CHRNA4: variants seen among roughly 807,000 people sequenced by gnomAD.
CHRNA4 encodes the protein neuronal acetylcholine receptor subunit alpha-4.
In CHRNA4, 28 loss-of-function variants were observed where a neutral mutation model predicts 48.9. That is an observed-to-expected ratio of 0.57 (90% confidence interval 0.42 to 0.79). The LOEUF (loss-of-function observed/expected upper bound fraction) is 0.79. Among genes scored for constraint, CHRNA4 ranks in the 30% least tolerant of loss-of-function variants. The pLI is 0.00. For synonymous variants in CHRNA4, 425 were observed against 402.3 expected (o/e 1.06, Z -0.68); for missense variants, 859 against 898.4 (o/e 0.96, Z 0.56).
intron 5 of CHRNA4, among the ~76,000 whole-genome samples, chr20:63,348,464 A>C (rs1365228070): frequency 6.6e-6 from 1 of 152,138 alleles, no homozygotes; most frequent in Admixed American, 6.5e-5. Context: ...CTCACTTTTC[A>C]TGGGTATGGA....
intron 1 of CHRNA4, 129 bp downstream of exon 1, chr20:63,360,961 C>T: frequency 2.7e-6 from 2 of 750,708 alleles, no homozygotes; most frequent in South Asian, 3.2e-5. Flanking sequence ...TGGGGAGCCT[C>T]GCGGTCGCCC....
At chr20:63,352,782 G>A (rs2068635316) in intron 4 of CHRNA4, among the ~76,000 whole-genome samples, 1 of 151,992 alleles carries the variant, frequency 6.6e-6, no homozygotes, top group African/African-American at 2.4e-5. Flanking sequence ...CCTCCCCCAG[G>A]GTCCTCTGCC....
chr20:63,358,247 G>A (rs1420115492), intron 2 of CHRNA4, among the ~76,000 whole-genome samples: 1 of 152,212 alleles, frequency 6.6e-6, no homozygotes, highest in Non-Finnish European at 1.5e-5. Context: ...ATGGGCAACT[G>A]CCACCACTGA....
chr20:63,346,545 T>G lies in CHRNA4; in HGVS notation c.*193A>C, dbSNP rs1331938675. ...AGGCCACAGTCCAACTGGAAGCAGC[T>G]CCACACTCGGTCTCCCCAGAGGCCG... On this transcript the variant is annotated 3_prime_UTR_variant, in exon 6 of 6. Transcript: ENST00000370263. 1 of 818,796 alleles carries G rather than the reference T, an allele frequency of 1.2e-6. No individual in the cohort carries two copies. Among genetic ancestry groups the G allele is most frequent in the Non-Finnish European group, 2.0e-6 (1 of 496,262 alleles). 50.7% of individuals were successfully genotyped at this position (818,796 alleles called of 1,614,324 possible).
intron 2 of CHRNA4, among the ~76,000 whole-genome samples, chr20:63,358,339 G>A (rs1372024008): frequency 6.6e-6 from 1 of 152,246 alleles, no homozygotes; most frequent in Non-Finnish European, 1.5e-5. Flanking sequence ...GCCTGGGATA[G>A]TGAAGCAGCT....
At position 63,350,111 on chromosome 20, in the gene CHRNA4, G is replaced by T. The variant is rs545104411; in HGVS notation, c.1300C>A (p.Pro434Thr). 1.0e-5 allele frequency: 16 copies of T among 1,543,592 alleles called. No individual in the cohort carries two copies. In the African/African-American group the frequency reaches 2.2e-4, roughly 21 times the overall value. ...GGGCTGGCTTTCTCAGCTTCCAGGGGCTGCTGAGGAGGGAGCTGGTCGGAG... is the reference window on the plus strand; with the variant it reads ...GGGCTGGCTTTCTCAGCTTCCAGGGTCTGCTGAGGAGGGAGCTGGTCGGAG... Reference protein sequence around the residue: ...SPSDQLPPQQPLEAEKASPHP... With the variant: ...SPSDQLPPQQTLEAEKASPHP... Residue 434 changes from proline (P) to threonine (T), a missense_variant, in exon 5 of 6, where the codon CCC becomes ACC. Coordinates refer to ENST00000370263, the MANE Select transcript of CHRNA4 (RefSeq NM_000744.7).
At chr20:63,354,360 G>A (rs529295119) in intron 4 of CHRNA4, among the ~76,000 whole-genome samples, 161 of 129,792 alleles carry the variant, frequency 1.2e-3, no homozygotes, top group African/African-American at 4.8e-3. Context: ...GCTGTGGTCA[G>A]GCAAGAACTG....
chr20:63,361,102 C>T lies in CHRNA4; in HGVS notation c.64G>A (p.Gly22Ser), dbSNP rs1208604806. Residue 22 changes from glycine (G) to serine (S), a missense_variant, in exon 1 of 6, where the codon GGC (glycine) becomes AGC (serine). Around this residue, in one of 3 missense-constraint regions of CHRNA4, gnomAD observed 342 missense variants for 365.3 expected, o/e 0.94. Transcript: ENST00000370263. ...LPPLLLLLGT[G>S]LLRASSHVET... ...CCCCGTAACTTACCGCGCAGGAGGC[C>T]GGTCCCCAGAAGCAGCAGCAGCGGC... 6.8e-7 allele frequency: 1 copy of T among 1,472,514 alleles called. No individual in the cohort carries two copies. The highest frequency in any genetic ancestry group is 1.3e-5 in the South Asian group (1 of 77,458). 91.2% of individuals were successfully genotyped at this position (1,472,514 alleles called of 1,614,324 possible).
In CHRNA4 at chr20:63,356,322, G is replaced by A. The variant is rs536639217; in HGVS notation, c.273+49C>T. On this transcript the variant is annotated intron_variant, in intron 3 of 5. Transcript: ENST00000370263. ...GGCCAGGACAGGGCAGCAGGGTGAG[G>A]GGTGTGGGGGAGGGCAGGGGTGGGG... 9.4e-5 allele frequency: 141 copies of A among 1,504,554 alleles called. No individual in the cohort carries two copies. The highest frequency in any genetic ancestry group is 8.2e-4 in the Admixed American group (42 of 51,076). The allele number at this position is 1,504,554 out of a possible 1,614,324, so 93.2% of individuals were successfully genotyped here.
At chr20:63,351,059 C>T in intron 4 of CHRNA4, 32 bp from the exon 5 acceptor site, 2 of 1,600,724 alleles carry the variant, frequency 1.2e-6, no homozygotes, top group African/African-American at 1.3e-5. Context: ...GGTGTGAGAC[C>T]CCCACATCCA....
At position 63,344,613 on chromosome 20, in the gene CHRNA4, A is replaced by C. The variant is rs202198418; in HGVS notation, c.*2125T>G. 18 of 453,376 alleles carry C rather than the reference A, an allele frequency of 4.0e-5. No homozygotes were observed. Among genetic ancestry groups the C allele is most frequent in the East Asian group, 7.0e-5 (1 of 14,370 alleles). 28.1% of individuals were successfully genotyped at this position (453,376 alleles called of 1,614,324 possible). A position where few individuals can be genotyped will look rare whatever the true frequency, so the allele number is the denominator to read the frequency against. ...AGTCACTCCTGACCCAGAAAAGAAC[A>C]ACCACAGCTGGGCCCAGCACCCCGG... On this transcript the variant is annotated 3_prime_UTR_variant, in exon 6 of 6. Transcript: ENST00000370263. This position sits in a 1 kb window ranked among gnomAD's most constrained non-coding sequence, Gnocchi z 4.5.
At chr20:63,357,426 G>A (rs1204966082) in intron 2 of CHRNA4, among the ~76,000 whole-genome samples, 2 of 152,280 alleles carry the variant, frequency 1.3e-5, no homozygotes, top group Admixed American at 6.5e-5. Context: ...ATTCTCAGTC[G>A]CCCTTGAAGC....
rs543676432 is a variant in CHRNA4, at chr20:63,350,490, G to A, written c.921C>T (p.Gly307=). The A allele has an allele frequency of 1.9e-5, 31 of 1,613,934 alleles. No individual in the cohort carries two copies. The highest frequency in any genetic ancestry group is 6.6e-5 in the South Asian group (6 of 91,074). ...AGATCATGGTGAACAGCAGGTACTC[G>A]CCGATGAGTGGGATGACCAGTGAGG... ...PSTSLVIPLI[G]EYLLFTMIFV... The change falls in exon 5 of 6, where the codon GGC becomes GGT. Residue 307 remains glycine (G), a synonymous_variant. Coordinates refer to ENST00000370263, the MANE Select transcript of CHRNA4 (RefSeq NM_000744.7).
At chr20:63,353,454 G>A (rs1042312535) in intron 4 of CHRNA4, among the ~76,000 whole-genome samples, 2 of 147,718 alleles carry the variant, frequency 1.4e-5, no homozygotes, top group Admixed American at 1.3e-4. Flanking sequence ...GTCCTAGGGG[G>A]CTGTGGTCCT....
At position 63,345,328 on chromosome 20, in the gene CHRNA4, T is replaced by G. The variant is rs200386910; in HGVS notation, c.*1410A>C. The stretch of plus-strand genomic sequence containing the variant: ...AGCAGGAGGCTTCCTGACTGTCTCC[T>G]CCTGAACCGATGTCACTCACAGGCA... On this transcript the variant is annotated 3_prime_UTR_variant, in exon 6 of 6. Transcript: ENST00000370263. This position sits in a 1 kb window ranked among gnomAD's most constrained non-coding sequence, Gnocchi z 5.4. 176 of 452,510 alleles carry G rather than the reference T, an allele frequency of 3.9e-4. 2 individuals carry two copies. Among genetic ancestry groups the G allele is most frequent in the South Asian group, 2.5e-3 (159 of 64,384 alleles). 28.0% of individuals were successfully genotyped at this position (452,510 alleles called of 1,614,324 possible).
rs1275738407 is a variant in CHRNA4, at chr20:63,349,936, C to T, written c.1475G>A (p.Cys492Tyr). Residue 492 changes from cysteine (C) to tyrosine (Y), a missense_variant, in exon 5 of 6, where the codon TGT becomes TAT. By Grantham distance (194) the Cys-to-Tyr change is radical. Around this residue, in one of 3 missense-constraint regions of CHRNA4, gnomAD observed 478 missense variants for 455.4 expected, o/e 1.05. Transcript: ENST00000370263. ...GGGGGCGGCATCGTCTCGGGGAACA[C>T]AGTACTGGATGCTCCGAGACCGGCA... Reference protein sequence around the residue: ...VRCRSRSIQYCVPRDDAAPEA... With the variant: ...VRCRSRSIQYYVPRDDAAPEA... 6.3e-7 allele frequency: 1 copy of T among 1,590,084 alleles called. No individual in the cohort carries two copies. The highest frequency in any genetic ancestry group is 1.3e-5 in the African/African-American group (1 of 74,654).
intron 5 of CHRNA4, chr20:63,349,407 G>A: frequency 1.7e-6 from 1 of 593,092 alleles, no homozygotes; most frequent in Non-Finnish European, 3.0e-6. Context: ...GTGTCCCAAA[G>A]CCAGAGACGG....
chr20:63,353,473 T>G (rs1299729443), intron 4 of CHRNA4, among the ~76,000 whole-genome samples: 1 of 75,624 alleles, frequency 1.3e-5, no homozygotes, highest in Non-Finnish European at 2.6e-5. Flanking sequence ...CTAGGGGGGC[T>G]GTGGTCCTGG....
chr20:63,353,702 GGGGGGGCTGCGGTCCT>G (rs2068657072), intron 4 of CHRNA4, among the ~76,000 whole-genome samples: 2 of 57,638 alleles, frequency 3.5e-5, no homozygotes, highest in Non-Finnish European at 7.1e-5. Flanking sequence ...CTGTGGTCCT[GGGGGGGCTGCGGTCCT>G]GGGGGGGCTG....
Sources: gnomAD v4.1 joint callset for allele counts (sites outside exome capture counted in the v4.1 genomes callset) on GRCh38, gnomAD v4.1.1 for gene constraint, gnomAD v4.1.1 regional missense constraint, Gnocchi (gnomAD v3.1) non-coding constraint, MANE v1.5 for transcripts, NCBI Gene and HGNC (gene_info 2026-07-23, HGNC 2026-07-21) for gene names.